The following MARCHF1 variants were observed in gnomAD, a reference collection of about 807,000 sequenced individuals.
MARCHF1 encodes the protein membrane associated ring-CH-type finger 1, also known as E3 ubiquitin-protein ligase MARCHF1.
In MARCHF1, 40 loss-of-function variants were observed where a neutral mutation model predicts 54.2. The observed-to-expected ratio is 0.74, with a 90% CI of 0.57 to 0.96. The LOEUF (loss-of-function observed/expected upper bound fraction) is 0.96, where lower values mean the gene tolerates loss of function less well. Ranked by LOEUF, MARCHF1 falls within the 40% of genes least tolerant of loss-of-function variation. MARCHF1 has a pLI of 0.00. For synonymous variants in MARCHF1, 236 were observed against 236.3 expected (o/e 1.00, Z 0.01); for missense variants, 586 against 656.5 (o/e 0.89, Z 1.17).
chr4:164,227,176 T>A (rs777836811), intron 1 of MARCHF1, among the ~76,000 whole-genome samples: 2 of 152,130 alleles, frequency 1.3e-5, no homozygotes, highest in Non-Finnish European at 2.9e-5. Flanking sequence ...TCCACATGGC[T>A]GGGGAAGCCT....
chr4:164,271,647 T>G (rs1733748256), intron 1 of MARCHF1, among the ~76,000 whole-genome samples: 1 of 152,310 alleles, frequency 6.6e-6, no homozygotes, highest in African/African-American at 2.4e-5. Context: ...GTTATCCATA[T>G]GAGGCAAATT....
chr4:164,367,646 CTTT>C (rs1730912750), intron 1 of MARCHF1, among the ~76,000 whole-genome samples: 5 of 151,588 alleles, frequency 3.3e-5, no homozygotes, highest in African/African-American at 1.2e-4. Flanking sequence ...TTTTCCCCTT[CTTT>C]TTTACCTTTA....
chr4:164,377,201 A>G lies in MARCHF1; in HGVS notation c.-323+6669T>C, dbSNP rs926865643. On this transcript the variant is annotated intron_variant, in intron 1 of 9. Transcript: ENST00000514618. The stretch of plus-strand genomic sequence containing the variant: ...TAGTTCAATCCATCCGTCACCAGGC[A>G]GACTTAACAAAAATTCTAGGTCAAT... 2.3e-4 allele frequency among the ~76,000 whole-genome samples: 35 copies of G among 152,150 alleles called. 1 individual carries two copies. Among genetic ancestry groups the G allele is most frequent in the Non-Finnish European group, 3.7e-4 (25 of 68,032 alleles).
At chr4:163,716,282 T>A (rs954261143) in intron 4 of MARCHF1, among the ~76,000 whole-genome samples, 2 of 152,222 alleles carry the variant, frequency 1.3e-5, no homozygotes, top group Non-Finnish European at 2.9e-5. Flanking sequence ...TTAGTCCTAA[T>A]TTTAAAAATA....
At chr4:164,016,943 T>A (rs906703315) in intron 2 of MARCHF1, among the ~76,000 whole-genome samples, 1 of 152,026 alleles carries the variant, frequency 6.6e-6, no homozygotes, top group Non-Finnish European at 1.5e-5. Context: ...TAATTATGTA[T>A]CCATTATAAT....
intron 3 of MARCHF1, among the ~76,000 whole-genome samples, chr4:163,882,830 C>T (rs529268064): frequency 4.6e-5 from 7 of 151,812 alleles, no homozygotes; most frequent in Non-Finnish European, 7.4e-5. Context: ...ATTATCAGGG[C>T]GTGTGGTGCA....
intron 4 of MARCHF1, among the ~76,000 whole-genome samples, chr4:163,709,118 G>A (rs1387779713): frequency 6.6e-6 from 1 of 152,108 alleles, no homozygotes; most frequent in Admixed American, 6.5e-5. Context: ...ATTTACAGAT[G>A]TATGTTTGAC....
chr4:163,859,749 T>C (rs943113107), intron 3 of MARCHF1, among the ~76,000 whole-genome samples: 2 of 152,058 alleles, frequency 1.3e-5, no homozygotes, highest in Non-Finnish European at 2.9e-5. Flanking sequence ...GGCTTCTAGG[T>C]AGGTAACTTT....
At chr4:163,768,327 T>G (rs936392671) in intron 4 of MARCHF1, among the ~76,000 whole-genome samples, 2 of 152,310 alleles carry the variant, frequency 1.3e-5, no homozygotes, top group Non-Finnish European at 1.5e-5. Context: ...AAGGGCTTAC[T>G]TCGTCTCTTG....
chr4:163,803,382 CG>C (rs1748136183), intron 4 of MARCHF1, among the ~76,000 whole-genome samples: 1 of 149,700 alleles, frequency 6.7e-6, no homozygotes, highest in African/African-American at 2.5e-5. Flanking sequence ...CATGTTGGCC[CG>C]GCTGGTCTTG....
chr4:164,196,968 T>C (rs1256750833), intron 1 of MARCHF1: 4 of 1,601,206 alleles, frequency 2.5e-6, no homozygotes, highest in Non-Finnish European at 3.4e-6. Context: ...AAATAGGTTA[T>C]TCTACTTAGT....
intron 4 of MARCHF1, among the ~76,000 whole-genome samples, chr4:163,732,861 T>C (rs1185670886): frequency 3.3e-5 from 5 of 151,808 alleles, no homozygotes; most frequent in Admixed American, 6.6e-5. Flanking sequence ...CTATAAGAAA[T>C]GTTAAAGAAG....
intron 8 of MARCHF1, among the ~76,000 whole-genome samples, chr4:163,580,281 T>C (rs4691928): frequency 0.3 from 45,028 of 151,792 alleles, 7,628 homozygotes; most frequent in Middle Eastern, 0.41. Flanking sequence ...GGTTTCACCA[T>C]GGTGGCCAGG....
chr4:163,992,639 C>T (rs1175477326), intron 2 of MARCHF1, among the ~76,000 whole-genome samples: 1 of 150,924 alleles, frequency 6.6e-6, no homozygotes, highest in Admixed American at 6.6e-5. Flanking sequence ...TGGTTTAGGC[C>T]ATATATAGTT....
chr4:163,912,772 C>G (rs1035197576), intron 3 of MARCHF1, among the ~76,000 whole-genome samples: 1 of 152,120 alleles, frequency 6.6e-6, no homozygotes, highest in Admixed American at 6.6e-5. Flanking sequence ...GTCTGCCGGC[C>G]TTAACTCCAG....
At chr4:163,552,886 A>G (rs1336027687) in intron 8 of MARCHF1, among the ~76,000 whole-genome samples, 1 of 152,104 alleles carries the variant, frequency 6.6e-6, no homozygotes, top group East Asian at 1.9e-4. Context: ...ACAAAAAATC[A>G]GCTGGGCATG....
chr4:163,730,482 C>A (rs1488092143), intron 4 of MARCHF1, among the ~76,000 whole-genome samples: 1 of 151,998 alleles, frequency 6.6e-6, no homozygotes, highest in Non-Finnish European at 1.5e-5. Context: ...TGTTGAAAAG[C>A]GGACATGTGA....
At chr4:163,735,827 T>G (rs556498838) in intron 4 of MARCHF1, among the ~76,000 whole-genome samples, 1 of 152,192 alleles carries the variant, frequency 6.6e-6, no homozygotes, top group Non-Finnish European at 1.5e-5. Flanking sequence ...TTGAGATATG[T>G]TGATATATGT....
At chr4:163,755,699 TCAC>T (rs889203209) in intron 4 of MARCHF1, among the ~76,000 whole-genome samples, 19 of 151,482 alleles carry the variant, frequency 1.3e-4, no homozygotes, top group African/African-American at 4.6e-4. Context: ...AAAAAGAAGA[TCAC>T]CAAAATAAGT....
Sources: allele counts gnomAD v4.1 joint callset (sites outside exome capture counted in the v4.1 genomes callset), GRCh38; gene constraint gnomAD v4.1.1; transcripts MANE v1.5; gene names NCBI Gene and HGNC (gene_info 2026-07-23, HGNC 2026-07-21).